GNG12: variants seen among roughly 807,000 people sequenced by gnomAD.
The protein encoded by GNG12 is G protein subunit gamma 12, also known as guanine nucleotide-binding protein G(I)/G(S)/G(O) subunit gamma-12.
For synonymous variants in GNG12, 28 were observed against 29.7 expected, an observed-to-expected ratio of 0.94 and a Z score of 0.19; for missense variants, 69 against 83.8, an observed-to-expected ratio of 0.82 and a Z score of 0.69.
At chr1:67,766,828 A>T (rs1646643223) in intron 2 of GNG12, among the ~76,000 whole-genome samples, 1 of 152,094 alleles carries the variant, frequency 6.6e-6, no homozygotes, top group Non-Finnish European at 1.5e-5. Flanking sequence ...ATGCCTGGAC[A>T]GCAGTTCCTC....
At chr1:67,738,578 G>A (rs1646465063) in intron 2 of GNG12, among the ~76,000 whole-genome samples, 1 of 152,086 alleles carries the variant, frequency 6.6e-6, no homozygotes, top group Admixed American at 6.5e-5. Flanking sequence ...TATCTAAAAT[G>A]CATCTCAAAG....
chr1:67,801,309 A>C (rs1646864205), intron 1 of GNG12, among the ~76,000 whole-genome samples: 1 of 152,242 alleles, frequency 6.6e-6, no homozygotes, highest in African/African-American at 2.4e-5. Context: ...CAGCACATGG[A>C]AAGCACACAA....
chr1:67,789,684 C>G (rs551396979), intron 1 of GNG12, among the ~76,000 whole-genome samples: 1 of 152,202 alleles, frequency 6.6e-6, no homozygotes, highest in African/African-American at 2.4e-5. Context: ...GCGGCACAAT[C>G]GGGCAGGATG....
chr1:67,705,451 C>T lies in GNG12; in HGVS notation c.219G>A (p.Ter73=), dbSNP rs1367401164. ...FKDKKTCIIL[*] is the part of the protein sequence containing the mutation. ...GGCGAGGAGCTGTTTCTCTATTCCA[C>T]TATAAGATGATGCAAGTTTTTTTAT... Residue 73 remains the stop codon, a stop_retained_variant, in exon 4 of 4, where the codon TAG becomes TAA. Coordinates refer to ENST00000370982, the MANE Select transcript of GNG12 (RefSeq NM_018841.6). The T allele has an allele frequency of 6.2e-7, 1 of 1,613,738 alleles. No individual in the cohort carries two copies. The highest frequency in any genetic ancestry group is 8.5e-7 in the Non-Finnish European group (1 of 1,179,912).
chr1:67,734,587 T>C (rs530783805), intron 2 of GNG12, among the ~76,000 whole-genome samples: 1 of 152,322 alleles, frequency 6.6e-6, no homozygotes, highest in Non-Finnish European at 1.5e-5. Flanking sequence ...ACGTACTCTC[T>C]GGCTCCAAAG....
intron 1 of GNG12, among the ~76,000 whole-genome samples, chr1:67,805,584 T>C (rs1646890354): frequency 6.6e-6 from 1 of 151,984 alleles, no homozygotes; most frequent in Non-Finnish European, 1.5e-5. Flanking sequence ...GGCTTGAAGA[T>C]ATGACAACAG....
intron 1 of GNG12, among the ~76,000 whole-genome samples, chr1:67,819,259 G>A (rs749578478): frequency 4.6e-5 from 7 of 152,098 alleles, no homozygotes; most frequent in Non-Finnish European, 8.8e-5. Flanking sequence ...CTGGGTGGAT[G>A]GAAATGTCTT....
At chr1:67,730,651 A>G (rs1221600103) in intron 2 of GNG12, among the ~76,000 whole-genome samples, 4 of 152,224 alleles carry the variant, frequency 2.6e-5, no homozygotes, top group African/African-American at 9.7e-5. Flanking sequence ...GTGGGAAAGG[A>G]AATACAAAGC....
chr1:67,812,897 T>C (rs1646933801), intron 1 of GNG12, among the ~76,000 whole-genome samples: 1 of 152,182 alleles, frequency 6.6e-6, no homozygotes, highest in African/African-American at 2.4e-5. Context: ...TTAAGTACAC[T>C]CTTCATGACA....
chr1:67,710,267 C>G (rs1446824617), intron 2 of GNG12, among the ~76,000 whole-genome samples: 3 of 135,842 alleles, frequency 2.2e-5, no homozygotes, highest in Non-Finnish European at 4.6e-5. Context: ...TAGTTCCCTG[C>G]AGCAAGTAAA....
rs1557589176 is a variant in GNG12 at position 67,703,576 on chromosome 1, C to T, written c.*1875G>A. On this transcript the variant is annotated 3_prime_UTR_variant, in exon 4 of 4. Transcript: ENST00000370982. ...TCTTTTTAGTGTAAATTTCAAATCT[C>T]ACCCTTTGAGAGGTAAAATCTTCCT... 3 of 152,150 alleles carry T rather than the reference C, an allele frequency of 2.0e-5. No individual in the cohort carries two copies. The highest frequency in any genetic ancestry group is 2.9e-5 in the Non-Finnish European group (2 of 68,026). 9.4% of individuals were successfully genotyped at this position (152,150 alleles called of 1,614,324 possible).
At chr1:67,713,130 G>A (rs1280333394) in intron 2 of GNG12, among the ~76,000 whole-genome samples, 1 of 152,128 alleles carries the variant, frequency 6.6e-6, no homozygotes, top group African/African-American at 2.4e-5. Flanking sequence ...TCTCATGCAT[G>A]CAAGCTAAAC....
chr1:67,789,022 C>G (rs548011074), intron 1 of GNG12, among the ~76,000 whole-genome samples: 1 of 152,098 alleles, frequency 6.6e-6, no homozygotes, highest in South Asian at 2.1e-4. Context: ...ACTAAAGCAG[C>G]GGGAGCTCAG....
At chr1:67,813,700 T>G (rs1174081259) in intron 1 of GNG12, among the ~76,000 whole-genome samples, 1 of 149,280 alleles carries the variant, frequency 6.7e-6, no homozygotes, top group African/African-American at 2.5e-5. Flanking sequence ...TAAAAAAAAA[T>G]GAACCTCAAA....
intron 2 of GNG12, among the ~76,000 whole-genome samples, chr1:67,732,659 G>A (rs1646426860): frequency 6.6e-6 from 1 of 152,174 alleles, no homozygotes; most frequent in Admixed American, 6.5e-5. Flanking sequence ...GCTCTTTCAT[G>A]TCTATTATCA....
At position 67,724,413 on chromosome 1, in the gene GNG12, C is replaced by T. The variant is rs1353236472; in HGVS notation, c.-26-16701G>A. Among the ~76,000 whole-genome samples the T allele has an allele frequency of 5.9e-5, 9 of 152,266 alleles. 2 individuals carry two copies. Among genetic ancestry groups the T allele is most frequent in the Admixed American group, 3.9e-4 (6 of 15,302 alleles). ...GTCAATTCCATTCGTTCATTCGAGA[C>T]GAAATCTCACTCTGTCGCCAGGCTG... On this transcript the variant is annotated intron_variant, in intron 2 of 3. Transcript: ENST00000370982.
At chr1:67,709,888 A>G (rs1331992716) in intron 2 of GNG12, among the ~76,000 whole-genome samples, 2 of 116,646 alleles carry the variant, frequency 1.7e-5, no homozygotes, top group Non-Finnish European at 3.3e-5. Context: ...TTATATATAT[A>G]GTTATATATA....
At chr1:67,743,409 A>G (rs1158736345) in intron 2 of GNG12, among the ~76,000 whole-genome samples, 1 of 152,250 alleles carries the variant, frequency 6.6e-6, no homozygotes, top group East Asian at 1.9e-4. Context: ...AACTGCATCT[A>G]ACCTCATAGC....
At chr1:67,758,361 T>C (rs17130243) in intron 2 of GNG12, among the ~76,000 whole-genome samples, 3,639 of 152,264 alleles carry the variant, frequency 0.024, 157 homozygotes, top group African/African-American at 0.084. Context: ...TGGAGAAGGA[T>C]TAATGTGGCC....
Sources: gnomAD v4.1 joint callset for allele counts (sites outside exome capture counted in the v4.1 genomes callset) on GRCh38, gnomAD v4.1.1 for gene constraint, MANE v1.5 for transcripts, NCBI Gene and HGNC (gene_info 2026-07-23, HGNC 2026-07-21) for gene names.